The following DTD1 variants were observed in gnomAD, a reference collection of about 807,000 sequenced individuals.
The protein encoded by DTD1 is D-aminoacyl-tRNA deacylase 1.
In DTD1, 13 loss-of-function variants were observed where a neutral mutation model predicts 25.6. The ratio of observed to expected loss-of-function variants is 0.51; its 90% CI spans 0.33 to 0.81. The LOEUF is 0.81. DTD1 is among the 30% of genes least tolerant of loss of function. The pLI is 0.02. For missense variants in DTD1, 193 were observed against 266.4 expected, an observed-to-expected ratio of 0.72 and a Z score of 1.92; for synonymous variants, 110 against 103.6, an observed-to-expected ratio of 1.06 and a Z score of -0.37.
At chr20:18,761,618 G>A (rs556367906) in intron 5 of DTD1, among the ~76,000 whole-genome samples, 27 of 152,248 alleles carry the variant, frequency 1.8e-4, no homozygotes, top group Non-Finnish European at 3.7e-4. Context: ...GTAGAATATT[G>A]TAGAATATTT....
chr20:18,764,010 C>G lies in DTD1; in HGVS notation c.*670C>G, dbSNP rs1192277222. The G allele has an allele frequency of 6.6e-6, 1 of 152,226 alleles. No homozygotes were observed. The highest frequency in any genetic ancestry group is 1.5e-5 in the Non-Finnish European group (1 of 68,038). The allele number at this position is 152,226 out of a possible 1,614,324, so 9.4% of individuals were successfully genotyped here. A position where few individuals can be genotyped will look rare whatever the true frequency, so the allele number is the denominator to read the frequency against. ...TATCTACACTTCTTTTCACATAAGT[C>G]TCTCGCAAGAGGGCCTTCTCTAACT... On this transcript the variant is annotated 3_prime_UTR_variant, in exon 6 of 6. Transcript: ENST00000377452.
rs11480233 is a variant in DTD1, at chr20:18,630,123, T to TAA, written c.477+1896_477+1897dup. ...AGGGTCTTGGAATGACTAATGACATTAAAAAAATCACAAATGAAAAGTCCA... is the reference window on the plus strand; with the variant it reads ...AGGGTCTTGGAATGACTAATGACATTAAAAAAAAATCACAAATGAAAAGTCCA... On this transcript the variant is annotated intron_variant, in intron 4 of 5. Transcript: ENST00000377452. Among the ~76,000 whole-genome samples, 127 of 151,686 alleles carry TAA rather than the reference T, an allele frequency of 8.4e-4. 1 individual carries two copies. Among genetic ancestry groups the TAA allele is most frequent in the African/African-American group, 2.8e-3 (118 of 41,404 alleles).
intron 4 of DTD1, among the ~76,000 whole-genome samples, chr20:18,638,038 G>T (rs1165464556): frequency 6.6e-6 from 1 of 152,148 alleles, no homozygotes; most frequent in African/African-American, 2.4e-5. Flanking sequence ...CCTGCCTTTG[G>T]CTCCCCATCA....
intron 4 of DTD1, among the ~76,000 whole-genome samples, chr20:18,693,257 G>A (rs888086980): frequency 1.2e-4 from 18 of 152,156 alleles, no homozygotes; most frequent in Admixed American, 9.2e-4. Flanking sequence ...GGTTGGTGGT[G>A]GATGGGAAGG....
chr20:18,593,777 G>T lies in DTD1; in HGVS notation c.90G>T (p.Leu30Phe), dbSNP rs146551342. The change falls in exon 2 of 6, where the codon TTG becomes TTT. Residue 30 changes from leucine to phenylalanine, a missense_variant. Physicochemically the swap from Leu to Phe is conservative, Grantham distance 22. Coordinates refer to ENST00000377452, the MANE Select transcript of DTD1 (RefSeq NM_080820.6). The part of the protein sequence containing the change: ...ISAIGRGICV[L>F]LGISLEDTQK... ...CCATTGGAAGGGGCATATGTGTGTTGCTGGGTATTTCCCTGGAGGATACGC... is the reference window on the plus strand; with the variant it reads ...CCATTGGAAGGGGCATATGTGTGTTTCTGGGTATTTCCCTGGAGGATACGC... 1.4e-5 allele frequency: 23 copies of T among 1,613,914 alleles called. No individual in the cohort carries two copies. In the African/African-American group the frequency reaches 3.1e-4, roughly 22 times the overall value.
At chr20:18,628,746 T>C (rs1301638956) in intron 4 of DTD1, among the ~76,000 whole-genome samples, 1 of 152,234 alleles carries the variant, frequency 6.6e-6, no homozygotes, top group African/African-American at 2.4e-5. Context: ...AGGAAATGTG[T>C]AATAGTCCTT....
At position 18,588,454 on chromosome 20, in the gene DTD1, C is replaced by T. The variant is rs544115894; in HGVS notation, c.43+339C>T. On this transcript the variant is annotated intron_variant, in intron 1 of 5. Coordinates refer to ENST00000377452, the MANE Select transcript of DTD1 (RefSeq NM_080820.6). ...CGGAGCATCTCCGTGGTCCGCTCTT[C>T]AGGGAGTGTTGATGAACCACGCTTA... Among the ~76,000 whole-genome samples, 162 of 152,368 alleles carry T rather than the reference C, an allele frequency of 1.1e-3. 1 individual carries two copies. Among genetic ancestry groups the T allele is most frequent in the African/African-American group, 3.5e-3 (144 of 41,596 alleles).
At chr20:18,733,823 A>ACC (rs1345631151) in intron 4 of DTD1, among the ~76,000 whole-genome samples, 1 of 152,242 alleles carries the variant, frequency 6.6e-6, no homozygotes, top group Non-Finnish European at 1.5e-5. Flanking sequence ...TATGAAAATT[A>ACC]GGTACCATGT....
intron 3 of DTD1, among the ~76,000 whole-genome samples, chr20:18,612,353 T>C (rs1385979031): frequency 6.6e-6 from 1 of 152,106 alleles, no homozygotes; most frequent in Non-Finnish European, 1.5e-5. Flanking sequence ...TTATTATTAT[T>C]GTTAGTTAAT....
At chr20:18,658,188 G>GGTGT (rs1568660571) in intron 4 of DTD1, among the ~76,000 whole-genome samples, 3 of 105,092 alleles carry the variant, frequency 2.9e-5, no homozygotes, top group Non-Finnish European at 4.2e-5. Flanking sequence ...AAGAGTCTGA[G>GGTGT]ATGTGTGTGT....
chr20:18,608,450 T>C (rs1192671042), intron 3 of DTD1, among the ~76,000 whole-genome samples: 1 of 152,192 alleles, frequency 6.6e-6, no homozygotes, highest in Non-Finnish European at 1.5e-5. Context: ...AAGCAAGCAC[T>C]CTGCTCTAAT....
intron 4 of DTD1, among the ~76,000 whole-genome samples, chr20:18,636,383 T>G (rs577944264): frequency 2.0e-5 from 3 of 152,226 alleles, no homozygotes; most frequent in Admixed American, 2.0e-4. Context: ...GTTCTGCCAG[T>G]CAGTGGTGTT....
intron 4 of DTD1, among the ~76,000 whole-genome samples, chr20:18,692,372 G>A (rs1056904734): frequency 6.6e-6 from 1 of 152,222 alleles, no homozygotes; most frequent in Non-Finnish European, 1.5e-5. Context: ...TTTGCCACAA[G>A]CTCTCTGTAT....
chr20:18,607,756 C>T (rs1298069837), intron 3 of DTD1, among the ~76,000 whole-genome samples: 1 of 151,616 alleles, frequency 6.6e-6, no homozygotes, highest in East Asian at 1.9e-4. Context: ...CTTGGTCACT[C>T]AGGCTGGAGT....
intron 3 of DTD1, among the ~76,000 whole-genome samples, chr20:18,612,613 A>C (rs528152220): frequency 6.6e-6 from 1 of 152,102 alleles, no homozygotes; most frequent in East Asian, 1.9e-4. Flanking sequence ...TCTTTGCTTC[A>C]CTGTAAAATT....
intron 4 of DTD1, among the ~76,000 whole-genome samples, chr20:18,648,719 C>T (rs2060859752): frequency 6.6e-6 from 1 of 151,896 alleles, no homozygotes; most frequent in African/African-American, 2.4e-5. Context: ...TGAATTTTAC[C>T]ATTTATATTG....
chr20:18,736,446 G>A (rs2061255556), intron 4 of DTD1, among the ~76,000 whole-genome samples: 1 of 152,166 alleles, frequency 6.6e-6, no homozygotes, highest in African/African-American at 2.4e-5. Context: ...TTCATGTTCT[G>A]TGTCATCGTC....
At chr20:18,633,034 A>G (rs1173924532) in intron 4 of DTD1, among the ~76,000 whole-genome samples, 1 of 152,198 alleles carries the variant, frequency 6.6e-6, no homozygotes, top group Admixed American at 6.5e-5. Flanking sequence ...CTGAAAGGTT[A>G]ATGACAGTGA....
At chr20:18,628,305 C>A (rs1283509556) in intron 4 of DTD1, 72 bp downstream of exon 4, 3 of 1,138,644 alleles carry the variant, frequency 2.6e-6, no homozygotes, top group South Asian at 1.3e-5. Flanking sequence ...CTGGAAGAGT[C>A]CTCGGTCTGA....
Sources: gnomAD v4.1 joint callset for allele counts (sites outside exome capture counted in the v4.1 genomes callset) on GRCh38, gnomAD v4.1.1 for gene constraint, MANE v1.5 for transcripts, NCBI Gene and HGNC (gene_info 2026-07-23, HGNC 2026-07-21) for gene names.